The following LPP variants were observed in gnomAD, a reference collection of about 807,000 sequenced individuals.
The protein encoded by LPP is lipoma-preferred partner.
In LPP, 38 loss-of-function variants were observed where a neutral mutation model predicts 60.4. That is an observed-to-expected ratio of 0.63 (90% CI 0.49 to 0.83). The LOEUF (loss-of-function observed/expected upper bound fraction) is 0.83, where lower values mean the gene tolerates loss of function less well. Ranked by LOEUF, LPP falls within the 40% of genes least tolerant of loss-of-function variation. The pLI is 0.00. For synonymous variants in LPP, 328 were observed against 290.8 expected (o/e 1.13, Z -1.30); for missense variants, 902 against 783.6 (o/e 1.15, Z -1.80).
chr3:188,229,688 G>A (rs766890296), intron 2 of LPP, among the ~76,000 whole-genome samples: 2 of 152,192 alleles, frequency 1.3e-5, no homozygotes, highest in Non-Finnish European at 2.9e-5. Context: ...TGCTGTCCAC[G>A]AAAGTAAAAA....
chr3:188,157,713 C>G (rs1716920162), intron 1 of LPP, among the ~76,000 whole-genome samples: 1 of 151,796 alleles, frequency 6.6e-6, no homozygotes, highest in Admixed American at 6.6e-5. Flanking sequence ...TGGAGTGGGG[C>G]ATGTCCGTGT....
In LPP at chr3:188,206,696, G is replaced by A. The variant is rs889614894; in HGVS notation, c.-189-18709G>A. Among the ~76,000 whole-genome samples the A allele has an allele frequency of 7.2e-5, 11 of 152,224 alleles. No homozygotes were observed. The East Asian group carries it at 2.1e-3, about 29-fold the overall frequency. Reference sequence around the variant, plus strand: ...GGAGAATCTGGGCGATGAGAAAGAAGACCAGAACTGGGGAGTACAGTCTAG... The same window carrying A: ...GGAGAATCTGGGCGATGAGAAAGAAAACCAGAACTGGGGAGTACAGTCTAG... On this transcript the variant is annotated intron_variant, in intron 1 of 11. Transcript: ENST00000617246.
intron 3 of LPP, among the ~76,000 whole-genome samples, chr3:188,372,135 A>G (rs1009013011): frequency 1.3e-5 from 2 of 152,058 alleles, no homozygotes; most frequent in African/African-American, 4.8e-5. Context: ...TCCATGCCCA[A>G]CCCAAGTGTT....
At chr3:188,693,667 G>T (rs556804635) in intron 7 of LPP, among the ~76,000 whole-genome samples, 4 of 152,204 alleles carry the variant, frequency 2.6e-5, no homozygotes, top group African/African-American at 7.2e-5. Context: ...ATTCTCTGTG[G>T]GCCACATCTG....
Position 188,609,917 on chromosome 3 carries a change from G to A in LPP, c.1113+73G>A. 1 of 1,416,306 alleles carries A rather than the reference G, an allele frequency of 7.1e-7. No homozygotes were observed. Among genetic ancestry groups the A allele is most frequent in the Non-Finnish European group, 9.6e-7 (1 of 1,042,552 alleles). The allele number at this position is 1,416,306 out of a possible 1,614,324, so 87.7% of individuals were successfully genotyped here. A position where few individuals can be genotyped will look rare whatever the true frequency, so the allele number is the denominator to read the frequency against. ...TAGTCTGCCTTCCCCAGGAAGCGAA[G>A]CCTAAGGCAAAAGTGTGTGTGTTAC... On this transcript the variant is annotated intron_variant, in intron 7 of 11. Transcript: ENST00000617246. This position sits in a 1 kb window ranked among gnomAD's most constrained non-coding sequence, Gnocchi z 6.9.
At chr3:188,281,238 T>G (rs1741933787) in intron 2 of LPP, among the ~76,000 whole-genome samples, 1 of 152,188 alleles carries the variant, frequency 6.6e-6, no homozygotes, top group African/African-American at 2.4e-5. Flanking sequence ...TATGTATGGA[T>G]AAGTCCGTAA....
rs543932673 is a variant in LPP, at chr3:188,839,004, T to G, written c.1411-27196T>G. 2.6e-5 allele frequency among the ~76,000 whole-genome samples: 4 copies of G among 152,318 alleles called. No homozygotes were observed. In the South Asian group the frequency reaches 8.3e-4, roughly 32 times the overall value. ...GTAACAAACCTGTACATTCTGCACA[T>G]GTATCTCAAAAGTAAAATTTTTTAA... On this transcript the variant is annotated intron_variant, in intron 9 of 11. Coordinates refer to ENST00000617246, the MANE Select transcript of LPP (RefSeq NM_001375462.1).
chr3:188,278,641 A>G (rs566071914), intron 2 of LPP, among the ~76,000 whole-genome samples: 7 of 151,074 alleles, frequency 4.6e-5, no homozygotes, highest in African/African-American at 1.7e-4. Flanking sequence ...CTTGTTTCAG[A>G]TCTCCTCTCG....
intron 10 of LPP, among the ~76,000 whole-genome samples, chr3:188,871,474 G>A (rs1343694792): frequency 6.6e-6 from 1 of 152,034 alleles, no homozygotes; most frequent in East Asian, 1.9e-4. Flanking sequence ...ATGCTTTTTG[G>A]GTGCTGCCAG....
At chr3:188,334,877 A>G (rs1304991103) in intron 2 of LPP, among the ~76,000 whole-genome samples, 1 of 152,176 alleles carries the variant, frequency 6.6e-6, no homozygotes, top group Non-Finnish European at 1.5e-5. Context: ...GATAATAGCT[A>G]TTCTAACTTG....
intron 4 of LPP, among the ~76,000 whole-genome samples, chr3:188,411,616 G>T (rs1258343756): frequency 6.6e-6 from 1 of 151,914 alleles, no homozygotes; most frequent in Non-Finnish European, 1.5e-5. Flanking sequence ...TTTTTCTTCT[G>T]GTCTTCAAAA....
At chr3:188,571,616 A>G (rs555404674) in intron 6 of LPP, among the ~76,000 whole-genome samples, 2 of 152,234 alleles carry the variant, frequency 1.3e-5, no homozygotes, top group African/African-American at 4.8e-5. Context: ...ATCAAAAAGT[A>G]AACAAATAAA....
intron 3 of LPP, among the ~76,000 whole-genome samples, chr3:188,375,492 A>C (rs1774746119): frequency 1.3e-5 from 2 of 152,096 alleles, no homozygotes; most frequent in Admixed American, 1.3e-4. Flanking sequence ...AGTTTATTTT[A>C]GAAGAGGTGT....
intron 7 of LPP, among the ~76,000 whole-genome samples, chr3:188,669,524 C>A (rs925036560): frequency 2.0e-5 from 3 of 151,890 alleles, no homozygotes; most frequent in Non-Finnish European, 4.4e-5. Flanking sequence ...TGCAGTGAGC[C>A]GAGATCGCAC....
intron 2 of LPP, among the ~76,000 whole-genome samples, chr3:188,229,312 C>T (rs1718981827): frequency 6.6e-6 from 1 of 152,094 alleles, no homozygotes; most frequent in African/African-American, 2.4e-5. Context: ...GCGTGACTAG[C>T]CCAGTGGGAG....
intron 9 of LPP, among the ~76,000 whole-genome samples, chr3:188,794,884 T>C (rs1383937203): frequency 1.3e-5 from 2 of 152,154 alleles, no homozygotes; most frequent in Non-Finnish European, 1.5e-5. Context: ...ATGCCTGTAA[T>C]CCCAGCACTT....
At chr3:188,872,796 G>A in intron 11 of LPP, 33 bp downstream of exon 11, 1 of 1,613,686 alleles carries the variant, frequency 6.2e-7, no homozygotes, top group Middle Eastern at 1.7e-4. Context: ...GCCAGTCTGT[G>A]GCAGGCGTTG....
intron 7 of LPP, among the ~76,000 whole-genome samples, chr3:188,658,718 T>C (rs543999440): frequency 6.6e-6 from 1 of 152,340 alleles, no homozygotes; most frequent in Admixed American, 6.5e-5. Context: ...TGGGAAGGAT[T>C]GACCCATCTC....
intron 6 of LPP, 78 bp downstream of exon 6, chr3:188,524,865 G>A (rs571483683): frequency 1.4e-6 from 2 of 1,439,718 alleles, no homozygotes; most frequent in South Asian, 2.9e-5. Context: ...TGCTGCACCT[G>A]AGAGCTTATT....
Sources: allele counts gnomAD v4.1 joint callset (sites outside exome capture counted in the v4.1 genomes callset), GRCh38; gene constraint gnomAD v4.1.1; non-coding constraint Gnocchi (gnomAD v3.1); transcripts MANE v1.5; gene names NCBI Gene and HGNC (gene_info 2026-07-23, HGNC 2026-07-21).